Variants in MACROD2 observed in about 807,000 individuals in gnomAD.
MACROD2 encodes the protein ADP-ribose glycohydrolase MACROD2.
MACROD2 carries 36 observed loss-of-function variants against 70.4 expected under a neutral mutation model. That is an observed-to-expected ratio of 0.51 (90% CI 0.39 to 0.68). MACROD2 has a LOEUF of 0.68. Ranked by LOEUF, MACROD2 falls within the 30% of genes least tolerant of loss-of-function variation. MACROD2 has a pLI of 0.00. For missense variants in MACROD2, 496 were observed against 538.4 expected (o/e 0.92, Z 0.78); for synonymous variants, 172 against 178.8 (o/e 0.96, Z 0.30).
intron 3 of MACROD2, among the ~76,000 whole-genome samples, chr20:14,091,871 T>G (rs2054155117): frequency 6.6e-6 from 1 of 152,208 alleles, no homozygotes; most frequent in African/African-American, 2.4e-5. Context: ...TTCAGTATTT[T>G]GCTGTTACCG....
intron 3 of MACROD2, among the ~76,000 whole-genome samples, chr20:14,380,924 A>G (rs2083414547): frequency 6.6e-6 from 1 of 152,078 alleles, no homozygotes; most frequent in African/African-American, 2.4e-5. Flanking sequence ...TTTTGTACTT[A>G]TCAGTATTCA....
At chr20:15,952,529 T>C (rs2065920651) in intron 12 of MACROD2, among the ~76,000 whole-genome samples, 2 of 152,074 alleles carry the variant, frequency 1.3e-5, no homozygotes, top group African/African-American at 4.8e-5. Flanking sequence ...TGATTTATCA[T>C]CTAATACTGA....
chr20:14,372,542 G>T (rs1201285666), intron 3 of MACROD2, among the ~76,000 whole-genome samples: 1 of 151,770 alleles, frequency 6.6e-6, no homozygotes, highest in Non-Finnish European at 1.5e-5. Context: ...CAATTTTCTT[G>T]GTTAAAAATG....
chr20:15,937,747 ATG>A (rs1243467588), intron 12 of MACROD2, among the ~76,000 whole-genome samples: 4,448 of 119,958 alleles, frequency 0.037, 201 homozygotes, highest in African/African-American at 0.14. Context: ...ATATATATAT[ATG>A]TGTGTATATA....
intron 4 of MACROD2, among the ~76,000 whole-genome samples, chr20:14,497,604 G>A (rs138150169): frequency 2.0e-5 from 3 of 151,580 alleles, no homozygotes; most frequent in Non-Finnish European, 4.4e-5. Flanking sequence ...ACCCAAGCAG[G>A]ATGTTGTTTA....
At chr20:15,971,888 A>G (rs2066236717) in intron 13 of MACROD2, among the ~76,000 whole-genome samples, 1 of 152,220 alleles carries the variant, frequency 6.6e-6, no homozygotes, top group Non-Finnish European at 1.5e-5. Context: ...AGAAAAGTTG[A>G]TAAATGGAAC....
intron 5 of MACROD2, chr20:14,905,534 C>T (rs2073948900): frequency 6.6e-6 from 1 of 151,994 alleles, no homozygotes; most frequent in South Asian, 2.1e-4. Context: ...TTTACTTGGC[C>T]TTTTTCTCCA....
intron 8 of MACROD2, among the ~76,000 whole-genome samples, chr20:15,651,876 G>A (rs1034102520): frequency 9.2e-5 from 14 of 152,024 alleles, no homozygotes; most frequent in African/African-American, 2.7e-4. Flanking sequence ...CTTGGTTCTC[G>A]GTTGCTTTTT....
intron 4 of MACROD2, among the ~76,000 whole-genome samples, chr20:14,503,023 A>C (rs917991182): frequency 1.3e-5 from 2 of 152,214 alleles, no homozygotes; most frequent in Non-Finnish European, 2.9e-5. Context: ...GGTGAGCTTA[A>C]TGTAGTCTTC....
intron 15 of MACROD2, among the ~76,000 whole-genome samples, chr20:16,035,458 CAA>C (rs1241389790): frequency 6.6e-6 from 1 of 151,638 alleles, no homozygotes; most frequent in East Asian, 1.9e-4. Flanking sequence ...CAGTGTTTCT[CAA>C]AGTTATGTAC....
At chr20:14,822,640 A>G (rs2072859481) in intron 5 of MACROD2, among the ~76,000 whole-genome samples, 3 of 152,154 alleles carry the variant, frequency 2.0e-5, no homozygotes, top group Admixed American at 6.6e-5. Context: ...TGTTGAAAAT[A>G]TAATCTTTCA....
chr20:13,996,724 C>A (rs1364209114), intron 1 of MACROD2, among the ~76,000 whole-genome samples: 1 of 152,048 alleles, frequency 6.6e-6, no homozygotes, highest in Non-Finnish European at 1.5e-5. Flanking sequence ...GCGTTTTTCA[C>A]CCTCCTTTTC....
intron 5 of MACROD2, among the ~76,000 whole-genome samples, chr20:14,748,102 T>C (rs891883783): frequency 1.3e-5 from 2 of 152,106 alleles, no homozygotes; most frequent in Non-Finnish European, 2.9e-5. Flanking sequence ...GGATCCTTGA[T>C]GAGCCTTTCC....
At chr20:15,923,701 A>G (rs1199338543) in intron 10 of MACROD2, among the ~76,000 whole-genome samples, 1 of 151,182 alleles carries the variant, frequency 6.6e-6, no homozygotes, top group East Asian at 1.9e-4. Flanking sequence ...AGTAATTTCC[A>G]AGTTACTCCT....
At chr20:15,659,812 T>C (rs968997232) in intron 8 of MACROD2, among the ~76,000 whole-genome samples, 3 of 152,102 alleles carry the variant, frequency 2.0e-5, no homozygotes, top group African/African-American at 4.8e-5. Flanking sequence ...TGAATCAAAA[T>C]GTGATGGAGA....
intron 8 of MACROD2, among the ~76,000 whole-genome samples, chr20:15,593,253 C>T (rs763077983): frequency 6.6e-6 from 1 of 152,184 alleles, no homozygotes; most frequent in Non-Finnish European, 1.5e-5. Flanking sequence ...ATTCTGACAC[C>T]TTGAGTCTCT....
chr20:14,103,189 G>A (rs2054321752), intron 3 of MACROD2, among the ~76,000 whole-genome samples: 1 of 152,092 alleles, frequency 6.6e-6, no homozygotes, highest in Admixed American at 6.5e-5. Context: ...AATTGCCAGG[G>A]AGATGGATGG....
intron 5 of MACROD2, among the ~76,000 whole-genome samples, chr20:14,960,547 A>G (rs991007436): frequency 2.0e-5 from 3 of 152,238 alleles, no homozygotes; most frequent in Admixed American, 1.3e-4. Context: ...GAGGATTAAT[A>G]TGCTGCAATG....
chr20:15,765,424 A>G (rs2051506299), intron 8 of MACROD2, among the ~76,000 whole-genome samples: 1 of 152,106 alleles, frequency 6.6e-6, no homozygotes. Context: ...TGATTCCCCT[A>G]TTTACCAATA....
Sources: allele counts gnomAD v4.1 joint callset (sites outside exome capture counted in the v4.1 genomes callset), GRCh38; gene constraint gnomAD v4.1.1; transcripts MANE v1.5; gene names NCBI Gene and HGNC (gene_info 2026-07-23, HGNC 2026-07-21).